Variants in BCKDHA observed in about 807,000 individuals in gnomAD.
The protein encoded by BCKDHA is branched chain keto acid dehydrogenase E1 subunit alpha.
Under a neutral mutation model 52.2 loss-of-function variants are expected in BCKDHA, and 43 were observed. The observed-to-expected ratio is 0.82, with a 90% CI of 0.64 to 1.06. BCKDHA has a LOEUF of 1.06. Ranked by LOEUF, BCKDHA falls within the 50% of genes least tolerant of loss-of-function variation. The pLI is 0.00. For missense variants in BCKDHA, 527 were observed against 621.3 expected (o/e 0.85, Z 1.61); for synonymous variants, 234 against 247.9 (o/e 0.94, Z 0.53).
At chr19:41,400,700 T>G (rs960915600) in intron 1 of BCKDHA, among the ~76,000 whole-genome samples, 2 of 152,042 alleles carry the variant, frequency 1.3e-5, no homozygotes, top group Non-Finnish European at 2.9e-5. Flanking sequence ...TAAATTATCA[T>G]GAGTTTAAGT....
chr19:41,410,840 C>T, intron 2 of BCKDHA, 24 bp downstream of exon 2: 1 of 1,613,962 alleles, frequency 6.2e-7, no homozygotes, highest in Non-Finnish European at 8.5e-7. Context: ...TCCCCCACTT[C>T]CCGTGCCCCC....
rs1429653394 is a variant in BCKDHA, at chr19:41,424,679, G to C, written c.*71G>C. ...TAGCCCCACTCTAAGGGGAGCAGGG[G>C]GACCTGACAGCACACCACTGTCTTC... is the stretch of plus-strand genomic sequence containing the variant. On this transcript the variant is annotated 3_prime_UTR_variant, in exon 9 of 9. Coordinates refer to ENST00000269980, the MANE Select transcript of BCKDHA (RefSeq NM_000709.4). 1.3e-6 allele frequency: 2 copies of C among 1,488,830 alleles called. No homozygotes were observed. 92.2% of individuals were successfully genotyped at this position (1,488,830 alleles called of 1,614,324 possible). A position where few individuals can be genotyped will look rare whatever the true frequency, so the allele number is the denominator to read the frequency against.
Position 41,397,921 on chromosome 19 carries a change from G to T in BCKDHA, c.94G>T (p.Gly32Ter). The part of the protein sequence containing the change: ...LLLLRQPGAR[G>*]LARSHPPRQQ... The stretch of plus-strand genomic sequence containing the variant: ...GCTGCTGCGGCAGCCTGGGGCTCGG[G>T]GACTGGCTAGATCTGTGAGTACCTG... Residue 32 changes from glycine (G) to a stop codon, truncating the protein, a stop_gained, in exon 1 of 9, where the codon GGA (glycine) becomes TGA (stop). Coordinates refer to ENST00000269980, the MANE Select transcript of BCKDHA (RefSeq NM_000709.4). LOFTEE classifies it high-confidence loss of function. 6.2e-7 allele frequency: 1 copy of T among 1,613,976 alleles called. No individual in the cohort carries two copies. Among genetic ancestry groups the T allele is most frequent in the Non-Finnish European group, 8.5e-7 (1 of 1,179,990 alleles).
chr19:41,420,662 A>C (rs2039354861), intron 5 of BCKDHA, among the ~76,000 whole-genome samples: 1 of 151,926 alleles, frequency 6.6e-6, no homozygotes, highest in Non-Finnish European at 1.5e-5. Flanking sequence ...ACAGAGGGAG[A>C]GGAGCAGGGA....
chr19:41,404,571 G>A (rs1055496414), intron 1 of BCKDHA, among the ~76,000 whole-genome samples: 1 of 150,658 alleles, frequency 6.6e-6, no homozygotes, highest in African/African-American at 2.4e-5. Flanking sequence ...TTACAGGCGT[G>A]AGCCACCACG....
At chr19:41,398,911 G>A (rs2039106733) in intron 1 of BCKDHA, among the ~76,000 whole-genome samples, 1 of 152,132 alleles carries the variant, frequency 6.6e-6, no homozygotes, top group African/African-American at 2.4e-5. Flanking sequence ...ACCTCATAGG[G>A]CTGTGAAAAA....
chr19:41,397,912 G>A lies in BCKDHA; in HGVS notation c.85G>A (p.Gly29Arg). The A allele has an allele frequency of 6.2e-7, 1 of 1,614,104 alleles. No homozygotes were observed. Among genetic ancestry groups the A allele is most frequent in the Non-Finnish European group, 8.5e-7 (1 of 1,180,026 alleles). The stretch of plus-strand genomic sequence containing the variant: ...TGCCCTCCTGCTGCTGCGGCAGCCT[G>A]GGGCTCGGGGACTGGCTAGATCTGT... ...QAALLLLRQP[G>R]ARGLARSHPP... The change falls in exon 1 of 9, where the codon GGG becomes AGG. Residue 29 changes from glycine (G) to arginine (R), a missense_variant. Gly to Arg is a moderately radical substitution (Grantham distance 125). Transcript: ENST00000269980.
At chr19:41,418,534 A>AC (rs2039330389) in intron 4 of BCKDHA, among the ~76,000 whole-genome samples, 1 of 145,440 alleles carries the variant, frequency 6.9e-6, no homozygotes, top group Non-Finnish European at 1.5e-5. Flanking sequence ...CATAATGATG[A>AC]TTTTTTTTTT....
chr19:41,415,561 T>C (rs1250346596), intron 4 of BCKDHA: 1 of 152,270 alleles, frequency 6.6e-6, no homozygotes, highest in Non-Finnish European at 1.5e-5. Flanking sequence ...TGACGCTGTC[T>C]GTCGTCTGTG....
rs1326623899 is a variant in BCKDHA at position 41,422,190 on chromosome 19, C to T, written c.673C>T (p.Arg225Trp). 6.0e-5 allele frequency: 97 copies of T among 1,613,842 alleles called. No individual in the cohort carries two copies. The highest frequency in any genetic ancestry group is 7.2e-5 in the Non-Finnish European group (85 of 1,179,982). ...GGTGGGGGCGGCGTACGCAGCCAAG[C>T]GGGCCAATGCCAACAGGGTCGTCAT... is the stretch of plus-strand genomic sequence containing the variant. ...QAVGAAYAAKRANANRVVICY... is the reference protein window; with the variant it reads ...QAVGAAYAAKWANANRVVICY... Residue 225 changes from arginine (R) to tryptophan (W), a missense_variant, in exon 6 of 9, where the codon CGG (arginine) becomes TGG (tryptophan). Coordinates refer to ENST00000269980, the MANE Select transcript of BCKDHA (RefSeq NM_000709.4).
Position 41,424,568 on chromosome 19 carries a change from C to T in BCKDHA, c.1298C>T (p.Thr433Ile). ...GAGTCTCTGGCCCGCCACCTGCAGA[C>T]CTACGGGGAGCACTACCCACTGGAT... ...QQESLARHLQ[T>I]YGEHYPLDHF... is the part of the protein sequence containing the mutation. The change falls in exon 9 of 9, where the codon ACC (threonine) becomes ATC (isoleucine). Residue 433 changes from threonine to isoleucine, a missense_variant. Transcript: ENST00000269980. 1 of 1,613,760 alleles carries T rather than the reference C, an allele frequency of 6.2e-7. No individual in the cohort carries two copies. Among genetic ancestry groups the T allele is most frequent in the Non-Finnish European group, 8.5e-7 (1 of 1,179,760 alleles).
chr19:41,420,168 ACT>A lies in BCKDHA; in HGVS notation c.646+875_646+876del, dbSNP rs150709460. ...AGGGGCCTGAAGCCTGTGTGACCAC[ACT>A]CTGGATTTCCCAACCACATGCCTAC... On this transcript the variant is annotated intron_variant, in intron 5 of 8. Transcript: ENST00000269980. 8.7e-4 allele frequency among the ~76,000 whole-genome samples: 132 copies of A among 152,154 alleles called. 1 individual carries two copies. The East Asian group carries it at 0.022, about 26-fold the overall frequency.
chr19:41,418,091 CAAAAAAAAA>C, intron 4 of BCKDHA, among the ~76,000 whole-genome samples: 1 of 72,044 alleles, frequency 1.4e-5, no homozygotes, highest in East Asian at 4.5e-4. Context: ...GACTCTGTCT[CAAAAAAAAA>C]AAAAAAAAAA....
At chr19:41,407,103 T>C (rs2039201944) in intron 1 of BCKDHA, among the ~76,000 whole-genome samples, 1 of 152,208 alleles carries the variant, frequency 6.6e-6, no homozygotes, top group African/African-American at 2.4e-5. Context: ...TCATACAGTG[T>C]AGTCACTTCC....
chr19:41,418,131 G>A (rs1352091948), intron 4 of BCKDHA, among the ~76,000 whole-genome samples: 1 of 145,788 alleles, frequency 6.9e-6, no homozygotes, highest in Non-Finnish European at 1.5e-5. Flanking sequence ...ACTGCTGTGT[G>A]TAATGTGATC....
At chr19:41,411,132 C>T (rs2039249629) in intron 3 of BCKDHA, 123 bp downstream of exon 3, 1 of 1,092,316 alleles carries the variant, frequency 9.2e-7, no homozygotes, top group Non-Finnish European at 1.4e-6. Flanking sequence ...CCATAGAGTT[C>T]TGAGGGTTCT....
chr19:41,420,037 G>C (rs2039347800), intron 5 of BCKDHA, among the ~76,000 whole-genome samples: 1 of 152,184 alleles, frequency 6.6e-6, no homozygotes, highest in African/African-American at 2.4e-5. Flanking sequence ...AAAGTGCTGG[G>C]ATTACAGATG....
chr19:41,411,554 A>G (rs762649028), intron 3 of BCKDHA, among the ~76,000 whole-genome samples: 2 of 152,166 alleles, frequency 1.3e-5, no homozygotes, highest in African/African-American at 2.4e-5. Flanking sequence ...AAGGCCAGAC[A>G]TGGCACATCC....
At chr19:41,413,581 A>G (rs2039278866) in intron 3 of BCKDHA, among the ~76,000 whole-genome samples, 1 of 152,188 alleles carries the variant, frequency 6.6e-6, no homozygotes, top group Non-Finnish European at 1.5e-5. Context: ...CACAGGTCTG[A>G]CCACATTGCT....
Sources: allele counts gnomAD v4.1 joint callset (sites outside exome capture counted in the v4.1 genomes callset), GRCh38; gene constraint gnomAD v4.1.1; transcripts MANE v1.5; gene names NCBI Gene and HGNC (gene_info 2026-07-23, HGNC 2026-07-21).